NLGN1: variants seen among roughly 807,000 people sequenced by gnomAD.
NLGN1 encodes neuroligin-1.
In NLGN1, 12 loss-of-function variants were observed where a neutral mutation model predicts 65.5. That is an observed-to-expected ratio of 0.18 (90% CI 0.12 to 0.30). The LOEUF (loss-of-function observed/expected upper bound fraction) is 0.30. Among genes scored for constraint, NLGN1 ranks in the 10% least tolerant of loss-of-function variants. The pLI, the probability that NLGN1 is intolerant of heterozygous loss-of-function variation, is 1.00. For synonymous variants in NLGN1, 350 were observed against 359.5 expected, an observed-to-expected ratio of 0.97 and a Z score of 0.30; for missense variants, 750 against 1,007.1, an observed-to-expected ratio of 0.74 and a Z score of 3.46.
intron 2 of NLGN1, among the ~76,000 whole-genome samples, chr3:173,542,504 A>G (rs1171202190): frequency 6.6e-6 from 1 of 152,076 alleles, no homozygotes; most frequent in African/African-American, 2.4e-5. Flanking sequence ...CGCTGTAGAT[A>G]TAGACAGATT....
intron 3 of NLGN1, among the ~76,000 whole-genome samples, chr3:173,733,377 GA>G (rs1773180095): frequency 6.6e-6 from 1 of 151,872 alleles, no homozygotes; most frequent in Non-Finnish European, 1.5e-5. Context: ...ATTATCACTG[GA>G]ATTGATAAGC....
intron 3 of NLGN1, among the ~76,000 whole-genome samples, chr3:173,725,362 A>G (rs1183968871): frequency 6.6e-6 from 1 of 152,166 alleles, no homozygotes; most frequent in Non-Finnish European, 1.5e-5. Flanking sequence ...TAAGATTAAA[A>G]AACACTAAAC....
chr3:173,625,094 A>G (rs1754619291), intron 3 of NLGN1, among the ~76,000 whole-genome samples: 1 of 152,120 alleles, frequency 6.6e-6, no homozygotes, highest in Non-Finnish European at 1.5e-5. Context: ...ATTTACTATA[A>G]TACATTTAAA....
chr3:174,058,591 T>C (rs1408677350), intron 4 of NLGN1, among the ~76,000 whole-genome samples: 1 of 152,138 alleles, frequency 6.6e-6, no homozygotes, highest in Non-Finnish European at 1.5e-5. Context: ...AGATGAATAT[T>C]AATTACAAAC....
At chr3:173,647,691 A>G (rs1252495818) in intron 3 of NLGN1, among the ~76,000 whole-genome samples, 4 of 152,122 alleles carry the variant, frequency 2.6e-5, no homozygotes, top group Non-Finnish European at 5.9e-5. Context: ...GGTAAAATTT[A>G]TATACTAAAC....
At chr3:173,596,595 C>T (rs1749527716) in intron 2 of NLGN1, among the ~76,000 whole-genome samples, 1 of 152,050 alleles carries the variant, frequency 6.6e-6, no homozygotes, top group South Asian at 2.1e-4. Context: ...ATGTTTAGCC[C>T]CAGTACTTAC....
At chr3:173,521,063 C>T (rs1158812617) in intron 2 of NLGN1, among the ~76,000 whole-genome samples, 5 of 152,002 alleles carry the variant, frequency 3.3e-5, no homozygotes, top group Non-Finnish European at 7.4e-5. Context: ...AGTAAAATTG[C>T]TATACTATGT....
rs111471241 is a variant in NLGN1 at position 174,055,337 on chromosome 3, A to T, written c.647-219978A>T. Among the ~76,000 whole-genome samples the T allele has an allele frequency of 2.8e-3, 433 of 152,040 alleles. 3 individuals are homozygous for T. Among genetic ancestry groups the T allele is most frequent in the African/African-American group, 1.0e-2 (414 of 41,512 alleles). ...ACTGGGAAAGTTGTCGCTGAAAAAA[A>T]ATTTTGAACCAACGTTGGAAAGAAG... On this transcript the variant is annotated intron_variant, in intron 4 of 6. Coordinates refer to ENST00000457714, the Ensembl canonical transcript of NLGN1.
chr3:174,116,527 A>G (rs2152632592), intron 4 of NLGN1, among the ~76,000 whole-genome samples: 1 of 151,860 alleles, frequency 6.6e-6, no homozygotes, highest in South Asian at 2.1e-4. Flanking sequence ...TTGTAGAGAC[A>G]GGATTTCACT....
At chr3:173,718,220 T>A (rs1770204232) in intron 3 of NLGN1, among the ~76,000 whole-genome samples, 5 of 152,156 alleles carry the variant, frequency 3.3e-5, no homozygotes. Context: ...AATGACTCTA[T>A]TGTGTTATCA....
chr3:174,266,582 G>A (rs1197861405), intron 4 of NLGN1, among the ~76,000 whole-genome samples: 1 of 152,112 alleles, frequency 6.6e-6, no homozygotes. Context: ...CCGGTAGTGG[G>A]ATTGCTAGGT....
intron 1 of NLGN1, among the ~76,000 whole-genome samples, chr3:173,431,291 T>C (rs1385251800): frequency 6.6e-6 from 1 of 152,162 alleles, no homozygotes; most frequent in East Asian, 1.9e-4. Flanking sequence ...CCGAGGATAA[T>C]TGTGTTTCCT....
intron 4 of NLGN1, among the ~76,000 whole-genome samples, chr3:173,936,282 G>T (rs919795374): frequency 3.3e-5 from 5 of 151,830 alleles, no homozygotes; most frequent in African/African-American, 1.2e-4. Flanking sequence ...TCTTAAGCAT[G>T]GCCATGTAGA....
chr3:173,483,419 G>A (rs13320479), intron 2 of NLGN1, among the ~76,000 whole-genome samples: 1,868 of 151,960 alleles, frequency 0.012, 35 homozygotes, highest in African/African-American at 0.043. Context: ...TAGAAAATTA[G>A]CATTAATTGG....
chr3:173,537,483 AGT>A (rs35226730), intron 2 of NLGN1, among the ~76,000 whole-genome samples: 1,544 of 149,000 alleles, frequency 0.01, 18 homozygotes, highest in Non-Finnish European at 0.015. Context: ...GTATTTGCTT[AGT>A]GTGTGTGTGT....
chr3:174,290,565 T>C (rs1203346620), downstream of NLGN1, among the ~76,000 whole-genome samples: 1 of 151,108 alleles, frequency 6.6e-6, no homozygotes, highest in South Asian at 2.1e-4. Context: ...AGAAAACGAA[T>C]AACAAGTTAA....
intron 4 of NLGN1, among the ~76,000 whole-genome samples, chr3:174,068,423 G>T (rs13062959): frequency 1 from 152,072 of 152,072 alleles, 76,036 homozygotes; most frequent in Non-Finnish European, 1. Context: ...GCCAGCCATA[G>T]GCTGAAGTTG....
intron 4 of NLGN1, among the ~76,000 whole-genome samples, chr3:174,144,441 T>C (rs569952848): frequency 6.6e-6 from 1 of 152,304 alleles, no homozygotes; most frequent in East Asian, 1.9e-4. Context: ...AGTAATGGGA[T>C]TGCTGGGTCA....
chr3:173,851,709 G>A lies in NLGN1; in HGVS notation c.646+43877G>A, dbSNP rs73033397. Among the ~76,000 whole-genome samples the A allele has an allele frequency of 4.8e-3, 730 of 151,780 alleles. 12 individuals are homozygous for A. Among genetic ancestry groups the A allele is most frequent in the African/African-American group, 0.016 (678 of 41,362 alleles). On this transcript the variant is annotated intron_variant, in intron 4 of 6. Transcript: ENST00000457714. ...TAGAAGATGCTTGATAAATATCTGG[G>A]GATATATTAAAATTTTGATCTAGTA...
Sources: allele counts gnomAD v4.1 joint callset (sites outside exome capture counted in the v4.1 genomes callset), GRCh38; gene constraint gnomAD v4.1.1; transcripts MANE v1.5; gene names NCBI Gene and HGNC (gene_info 2026-07-23, HGNC 2026-07-21).